EYA2: variants seen among roughly 807,000 people sequenced by gnomAD.
The protein encoded by EYA2 is EYA transcriptional coactivator and phosphatase 2, also known as protein phosphatase EYA2.
EYA2 carries 31 observed loss-of-function variants against 69.2 expected under a neutral mutation model. The observed-to-expected ratio is 0.45, with a 90% confidence interval of 0.34 to 0.60. EYA2 has a LOEUF of 0.60. Among genes scored for constraint, EYA2 ranks in the 20% least tolerant of loss-of-function variants. The pLI is 0.02. For missense variants in EYA2, 622 were observed against 701.2 expected (o/e 0.89, Z 1.28); for synonymous variants, 257 against 279.4 (o/e 0.92, Z 0.80).
At chr20:47,004,453 G>A (rs1016951660) in intron 3 of EYA2, among the ~76,000 whole-genome samples, 12 of 149,422 alleles carry the variant, frequency 8.0e-5, no homozygotes, top group Non-Finnish European at 1.6e-4. Context: ...AGTAAACCTC[G>A]ACATCTCAGT....
intron 8 of EYA2, among the ~76,000 whole-genome samples, chr20:47,090,105 G>T (rs2032028069): frequency 6.6e-6 from 1 of 151,968 alleles, no homozygotes. Flanking sequence ...TTATCAAGTT[G>T]CACCTCAGAC....
At chr20:47,173,359 A>C (rs1425822264) in intron 12 of EYA2, among the ~76,000 whole-genome samples, 1 of 151,700 alleles carries the variant, frequency 6.6e-6, no homozygotes, top group Non-Finnish European at 1.5e-5. Context: ...CTGTGCCTTG[A>C]GTCTTTGCAT....
intron 9 of EYA2, among the ~76,000 whole-genome samples, chr20:47,140,633 A>G (rs964117832): frequency 3.3e-5 from 5 of 152,064 alleles, no homozygotes; most frequent in African/African-American, 1.2e-4. Context: ...CAGATTACCT[A>G]TGTTCTAATC....
intron 10 of EYA2, among the ~76,000 whole-genome samples, chr20:47,164,401 C>T (rs958939475): frequency 3.9e-5 from 6 of 152,290 alleles, no homozygotes; most frequent in Non-Finnish European, 7.4e-5. Context: ...TCAAGGAAAG[C>T]GCATGGAACC....
chr20:47,180,399 G>A (rs1408360576), intron 13 of EYA2, among the ~76,000 whole-genome samples: 2 of 152,140 alleles, frequency 1.3e-5, no homozygotes, highest in African/African-American at 2.4e-5. Context: ...AGCTAATAGC[G>A]GCAGAGACTT....
chr20:47,097,033 C>G, intron 8 of EYA2, 52 bp from the exon 9 acceptor site: 1 of 1,306,730 alleles, frequency 7.7e-7, no homozygotes, highest in South Asian at 1.2e-5. Context: ...GACATTAAGT[C>G]AGATGCACGT....
intron 9 of EYA2, among the ~76,000 whole-genome samples, chr20:47,126,438 T>A (rs959875467): frequency 6.6e-6 from 1 of 152,182 alleles, no homozygotes; most frequent in Non-Finnish European, 1.5e-5. Context: ...CCAAGTCACG[T>A]ACCTTCTAGC....
intron 9 of EYA2, among the ~76,000 whole-genome samples, chr20:47,103,894 A>G (rs1318134759): frequency 1.3e-5 from 2 of 152,258 alleles, no homozygotes; most frequent in South Asian, 2.1e-4. Flanking sequence ...TAATGCTGCT[A>G]TGAACATTGG....
intron 9 of EYA2, among the ~76,000 whole-genome samples, chr20:47,105,624 C>CAAAAAAAA: frequency 7.6e-6 from 1 of 131,222 alleles, no homozygotes; most frequent in African/African-American, 2.9e-5. Context: ...GACTCTGTCC[C>CAAAAAAAA]AAAAAAAAAA....
rs200758175 is a variant in EYA2 at position 47,158,519 on chromosome 20, A to AC, written c.979-10620_979-10619insC. ...GTGACAAGAGTGAAACTCTGTCTCAAAAAAAAAAAAAGGAAACTGAAGACC... is the reference window on the plus strand; with the variant it reads ...GTGACAAGAGTGAAACTCTGTCTCAACAAAAAAAAAAAGGAAACTGAAGACC... On this transcript the variant is annotated intron_variant, in intron 10 of 15. Coordinates refer to ENST00000327619, the MANE Select transcript of EYA2 (RefSeq NM_005244.5). Among the ~76,000 whole-genome samples the AC allele has an allele frequency of 9.5e-4, 141 of 148,542 alleles. 8 individuals carry two copies. The East Asian group carries it at 0.012, about 13-fold the overall frequency.
intron 5 of EYA2, among the ~76,000 whole-genome samples, chr20:47,027,321 G>A (rs1332680560): frequency 6.6e-6 from 1 of 152,240 alleles, no homozygotes; most frequent in Admixed American, 6.5e-5. Flanking sequence ...CAAGACAGGA[G>A]CCAGTCTTGG....
chr20:46,984,619 T>A (rs1981065420), intron 1 of EYA2, among the ~76,000 whole-genome samples: 1 of 152,188 alleles, frequency 6.6e-6, no homozygotes. Flanking sequence ...CTGGAACCCT[T>A]ATGTACTTCT....
At chr20:47,144,925 G>A (rs2033670701) in intron 10 of EYA2, among the ~76,000 whole-genome samples, 1 of 152,224 alleles carries the variant, frequency 6.6e-6, no homozygotes, top group South Asian at 2.1e-4. Context: ...GAGTATTTAT[G>A]GAGCCTAATG....
intron 9 of EYA2, among the ~76,000 whole-genome samples, chr20:47,138,529 C>T (rs1023200618): frequency 2.0e-5 from 3 of 152,012 alleles, no homozygotes; most frequent in Admixed American, 6.6e-5. Flanking sequence ...GTGGGTGGAT[C>T]GCTTGAGCTC....
At chr20:46,961,409 T>C (rs923618013) in intron 1 of EYA2, among the ~76,000 whole-genome samples, 2 of 152,192 alleles carry the variant, frequency 1.3e-5, no homozygotes, top group African/African-American at 4.8e-5. Context: ...GGGGAACTCT[T>C]ACACCCTGTT....
intron 5 of EYA2, among the ~76,000 whole-genome samples, chr20:47,036,479 G>C (rs1276440396): frequency 1.3e-5 from 2 of 152,194 alleles, no homozygotes; most frequent in African/African-American, 4.8e-5. Context: ...TCCTGCCGTG[G>C]CAGGGCTAGG....
chr20:47,106,790 G>C lies in EYA2; in HGVS notation c.888+9622G>C, dbSNP rs12625791. Among the ~76,000 whole-genome samples the C allele has an allele frequency of 8.8e-3, 1,332 of 152,202 alleles. 97 individuals are homozygous for C. In the East Asian group the frequency reaches 0.19, roughly 22 times the overall value. On this transcript the variant is annotated intron_variant, in intron 9 of 15. Coordinates refer to ENST00000327619, the MANE Select transcript of EYA2 (RefSeq NM_005244.5). Reference sequence around the variant, plus strand: ...TTGGAAGTCAGGACAAGAAACCAGTGCCACTCGCTCAGCATCCCAAGGCCA... The same window carrying C: ...TTGGAAGTCAGGACAAGAAACCAGTCCCACTCGCTCAGCATCCCAAGGCCA...
chr20:47,008,847 A>G (rs1368533146), intron 4 of EYA2, among the ~76,000 whole-genome samples: 1 of 152,076 alleles, frequency 6.6e-6, no homozygotes, highest in Non-Finnish European at 1.5e-5. Context: ...TACCCCTCTC[A>G]TGATTGCTGG....
chr20:47,151,322 G>A (rs1426105563), intron 10 of EYA2, among the ~76,000 whole-genome samples: 1 of 151,260 alleles, frequency 6.6e-6, no homozygotes, highest in Admixed American at 6.6e-5. Context: ...AGTGAGGCAA[G>A]ATCACACCTC....
Sources: gnomAD v4.1 joint callset for allele counts (sites outside exome capture counted in the v4.1 genomes callset) on GRCh38, gnomAD v4.1.1 for gene constraint, MANE v1.5 for transcripts, NCBI Gene and HGNC (gene_info 2026-07-23, HGNC 2026-07-21) for gene names.